The following ADCY7 variants were observed in gnomAD, a reference collection of about 807,000 sequenced individuals.
ADCY7 encodes adenylate cyclase type 7.
In ADCY7, 72 loss-of-function variants were observed where a neutral mutation model predicts 120.6. The observed-to-expected ratio is 0.60, with a 90% CI of 0.49 to 0.73. The LOEUF is 0.73. Among genes scored for constraint, ADCY7 ranks in the 30% least tolerant of loss-of-function variants. ADCY7 has a pLI of 0.00. For missense variants in ADCY7, 1,227 were observed against 1,486.0 expected (o/e 0.83, Z 2.87); for synonymous variants, 661 against 628.0 (o/e 1.05, Z -0.78).
intron 1 of ADCY7, among the ~76,000 whole-genome samples, chr16:50,248,944 G>A (rs2032671275): frequency 6.6e-6 from 1 of 152,186 alleles, no homozygotes; most frequent in African/African-American, 2.4e-5. Flanking sequence ...TGTGTCTGCT[G>A]GGATCTGTGG....
In ADCY7 at chr16:50,312,889, G is replaced by A; in HGVS notation, c.2605-1G>A. On this transcript the variant is annotated splice_acceptor_variant, in intron 21 of 25. Coordinates refer to ENST00000673801, the MANE Select transcript of ADCY7 (RefSeq NM_001114.5). LOFTEE classifies it high-confidence loss of function. Reference sequence around the variant, plus strand: ...GTAAGGTCCGGTTTCTTCCCATCCAGGACTGGTACCATCAGTCCTATGACT... The same window carrying A: ...GTAAGGTCCGGTTTCTTCCCATCCAAGACTGGTACCATCAGTCCTATGACT... 1 of 1,613,900 alleles carries A rather than the reference G, an allele frequency of 6.2e-7. No individual in the cohort carries two copies. Among genetic ancestry groups the A allele is most frequent in the Non-Finnish European group, 8.5e-7 (1 of 1,179,926 alleles).
chr16:50,313,029 T>G lies in ADCY7; in HGVS notation c.2744T>G (p.Phe915Cys). The change falls in exon 22 of 26, where the codon TTC becomes TGC. Residue 915 changes from phenylalanine to cysteine, a missense_variant. Phe to Cys is a radical substitution (Grantham distance 205, BLOSUM62 -2). This residue lies in a region of ADCY7 where 244 missense variants were observed against 332.8 expected (regional missense o/e 0.73). Coordinates refer to ENST00000673801, the MANE Select transcript of ADCY7 (RefSeq NM_001114.5). ...LRLLNEIIAD[F>C]DELLLKPKFS... is the part of the protein sequence containing the mutation. ...CTGCTCAATGAGATCATTGCCGACT[T>G]CGACGAGGTACAGCCTCTAGCCCAG... 6.2e-7 allele frequency: 1 copy of G among 1,614,186 alleles called. No individual in the cohort carries two copies. Among genetic ancestry groups the G allele is most frequent in the Non-Finnish European group, 8.5e-7 (1 of 1,180,014 alleles).
At chr16:50,270,588 C>T (rs1233183024) in intron 1 of ADCY7, among the ~76,000 whole-genome samples, 4 of 152,190 alleles carry the variant, frequency 2.6e-5, no homozygotes, top group Admixed American at 1.3e-4. Context: ...GCGTCACTGT[C>T]GGTGTCGTGA....
intron 7 of ADCY7, among the ~76,000 whole-genome samples, chr16:50,298,068 T>G (rs1447913714): frequency 6.6e-6 from 1 of 151,942 alleles, no homozygotes; most frequent in Non-Finnish European, 1.5e-5. Context: ...CCTTTTCCTA[T>G]GAGTCCCCAC....
intron 1 of ADCY7, among the ~76,000 whole-genome samples, chr16:50,281,865 G>A (rs1413433322): frequency 6.6e-6 from 1 of 152,234 alleles, no homozygotes; most frequent in Non-Finnish European, 1.5e-5. Context: ...AGGGTCTCTT[G>A]AGAGAGTTCG....
At chr16:50,271,622 C>A (rs1246952229) in intron 1 of ADCY7, among the ~76,000 whole-genome samples, 3 of 152,188 alleles carry the variant, frequency 2.0e-5, no homozygotes, top group African/African-American at 4.8e-5. Flanking sequence ...TCCCTCCCCA[C>A]TCCCGCCACT....
At chr16:50,266,512 G>A (rs55644649), upstream of ADCY7, 6,773 of 164,082 alleles carry the variant, frequency 0.041, 208 homozygotes, top group Non-Finnish European at 0.06. Context: ...CGCTGCTGCC[G>A]CTGCCGGAGC....
chr16:50,286,675 A>C (rs1276136797), intron 1 of ADCY7, among the ~76,000 whole-genome samples: 2 of 152,138 alleles, frequency 1.3e-5, no homozygotes, highest in Non-Finnish European at 2.9e-5. Context: ...TGGTGATTGC[A>C]CCAGGACCAT....
chr16:50,276,782 T>C (rs1430324988), intron 1 of ADCY7, among the ~76,000 whole-genome samples: 2 of 152,154 alleles, frequency 1.3e-5, no homozygotes, highest in South Asian at 2.1e-4. Context: ...TTTTTAGAGA[T>C]AGCATCTCAC....
At chr16:50,301,938 CT>C in intron 10 of ADCY7, 1 of 153,178 alleles carries the variant, frequency 6.5e-6, no homozygotes, top group African/African-American at 2.4e-5. Context: ...GTGAGCCTCC[CT>C]ACACATCTGC....
At chr16:50,295,784 G>GA (rs2035313812) in intron 7 of ADCY7, among the ~76,000 whole-genome samples, 1 of 152,154 alleles carries the variant, frequency 6.6e-6, no homozygotes, top group South Asian at 2.1e-4. Context: ...ATGGTCCTGA[G>GA]AGAGGGTAAG....
At chr16:50,279,756 G>T (rs1398935280) in intron 1 of ADCY7, 1 of 152,264 alleles carries the variant, frequency 6.6e-6, no homozygotes, top group Non-Finnish European at 1.5e-5. Context: ...ATTAGAATGG[G>T]CATGAGACAT....
intron 1 of ADCY7, among the ~76,000 whole-genome samples, chr16:50,270,709 C>T (rs1038054147): frequency 1.3e-5 from 2 of 152,196 alleles, no homozygotes; most frequent in Non-Finnish European, 2.9e-5. Flanking sequence ...TCACCTACAT[C>T]CCTCGGACTA....
intron 1 of ADCY7, among the ~76,000 whole-genome samples, chr16:50,285,437 G>A (rs1567547932): frequency 6.6e-6 from 1 of 152,264 alleles, no homozygotes; most frequent in Non-Finnish European, 1.5e-5. Flanking sequence ...GGTGGCCCCA[G>A]GGATCTCATA....
intron 16 of ADCY7, 23 bp downstream of exon 16, chr16:50,308,434 G>T (rs373218832): frequency 6.8e-5 from 110 of 1,613,536 alleles, no homozygotes; most frequent in Non-Finnish European, 8.2e-5. Flanking sequence ...CTCTGGCCCC[G>T]CGGGCCCTCC....
At chr16:50,291,021 C>T (rs548822375) in intron 3 of ADCY7, among the ~76,000 whole-genome samples, 22 of 152,282 alleles carry the variant, frequency 1.4e-4, no homozygotes, top group Admixed American at 5.2e-4. Flanking sequence ...GCCCCGGGCA[C>T]GCTGTCCCCA....
chr16:50,304,337 C>T, intron 10 of ADCY7, 23 bp from the exon 11 acceptor site: 2 of 1,471,098 alleles, frequency 1.4e-6, no homozygotes, highest in Non-Finnish European at 1.8e-6. Context: ...GTGGCACAGG[C>T]CCATGTCCAT....
At chr16:50,288,787 T>A (rs1481406958) in intron 2 of ADCY7, among the ~76,000 whole-genome samples, 4 of 152,194 alleles carry the variant, frequency 2.6e-5, no homozygotes, top group Non-Finnish European at 5.9e-5. Context: ...CAATGCTCTG[T>A]CTTTTACAGC....
chr16:50,294,288 G>A (rs2035196489), intron 6 of ADCY7, among the ~76,000 whole-genome samples: 1 of 152,196 alleles, frequency 6.6e-6, no homozygotes, highest in Non-Finnish European at 1.5e-5. Context: ...CCTCTCACCA[G>A]GGAGTTCTGA....
Sources: allele counts gnomAD v4.1 joint callset (sites outside exome capture counted in the v4.1 genomes callset), GRCh38; gene constraint gnomAD v4.1.1; regional missense constraint gnomAD v4.1.1; transcripts MANE v1.5; gene names NCBI Gene and HGNC (gene_info 2026-07-23, HGNC 2026-07-21).